SPAG16: variants seen among roughly 807,000 people sequenced by gnomAD.
The protein encoded by SPAG16 is sperm associated antigen 16.
A neutral mutation model predicts 80.4 loss-of-function variants in SPAG16; 86 were observed. That is an observed-to-expected ratio of 1.07 (90% CI 0.90 to 1.28). The LOEUF is 1.28. Among genes scored for constraint, SPAG16 ranks in the 50% most tolerant of loss-of-function variants. The pLI, the probability that SPAG16 is intolerant of heterozygous loss-of-function variation, is 0.00. For missense variants in SPAG16, 870 were observed against 765.3 expected (o/e 1.14, Z -1.61); for synonymous variants, 294 against 265.9 (o/e 1.11, Z -1.03).
chr2:214,323,327 TA>T (rs778478144), intron 15 of SPAG16, among the ~76,000 whole-genome samples: 3,746 of 149,868 alleles, frequency 0.025, 65 homozygotes, highest in Non-Finnish European at 0.034. Context: ...ATTAAATATA[TA>T]TATATATTTA....
chr2:213,645,621 A>T (rs2062792078), intron 10 of SPAG16, among the ~76,000 whole-genome samples: 1 of 152,074 alleles, frequency 6.6e-6, no homozygotes, highest in African/African-American at 2.4e-5. Context: ...CTGGTATCCA[A>T]GAGGCAAGGC....
chr2:213,851,337 C>T (rs1410336344), intron 10 of SPAG16, among the ~76,000 whole-genome samples: 2 of 151,918 alleles, frequency 1.3e-5, no homozygotes, highest in Admixed American at 1.3e-4. Context: ...TGATGAAACC[C>T]CATCTCTACT....
At chr2:213,972,870 G>C (rs921395423) in intron 12 of SPAG16, among the ~76,000 whole-genome samples, 1 of 151,916 alleles carries the variant, frequency 6.6e-6, no homozygotes, top group African/African-American at 2.4e-5. Context: ...CCACTCTGTG[G>C]GTTGTGTTTT....
At chr2:213,454,066 A>G (rs1313285450) in intron 9 of SPAG16, among the ~76,000 whole-genome samples, 2 of 152,190 alleles carry the variant, frequency 1.3e-5, no homozygotes, top group Non-Finnish European at 2.9e-5. Flanking sequence ...AAAGTAGTGT[A>G]CATGGACAGA....
At chr2:214,377,145 T>C (rs994053300) in intron 15 of SPAG16, among the ~76,000 whole-genome samples, 1 of 152,188 alleles carries the variant, frequency 6.6e-6, no homozygotes, top group Non-Finnish European at 1.5e-5. Context: ...TAAAACACCA[T>C]GTGACACTAA....
At chr2:214,021,730 A>C (rs531872627) in intron 13 of SPAG16, among the ~76,000 whole-genome samples, 1 of 152,304 alleles carries the variant, frequency 6.6e-6, no homozygotes, top group African/African-American at 2.4e-5. Context: ...TTGATTTTAT[A>C]TACTGTGTTA....
intron 10 of SPAG16, among the ~76,000 whole-genome samples, chr2:213,782,381 G>T (rs2070048746): frequency 6.6e-6 from 1 of 152,028 alleles, no homozygotes. Context: ...GTGAGGTATG[G>T]TACCTAATGG....
At chr2:213,461,428 T>C (rs1184305751) in intron 9 of SPAG16, among the ~76,000 whole-genome samples, 2 of 152,196 alleles carry the variant, frequency 1.3e-5, no homozygotes, top group African/African-American at 4.8e-5. Flanking sequence ...TCGATGGTAA[T>C]ACATAGATGA....
At chr2:213,542,045 T>A (rs116184870) in intron 10 of SPAG16, among the ~76,000 whole-genome samples, 3,241 of 152,306 alleles carry the variant, frequency 0.021, 59 homozygotes, top group Non-Finnish European at 0.034. Context: ...ATTCTCAATA[T>A]TAAACCTGAG....
chr2:214,208,247 C>T (rs1415543756), intron 15 of SPAG16, among the ~76,000 whole-genome samples: 1 of 152,048 alleles, frequency 6.6e-6, no homozygotes, highest in Non-Finnish European at 1.5e-5. Flanking sequence ...GAATTAAAAA[C>T]CTGTGTTGCT....
intron 13 of SPAG16, among the ~76,000 whole-genome samples, chr2:214,044,708 GA>G (rs957086127): frequency 5.3e-4 from 81 of 152,300 alleles, no homozygotes; most frequent in African/African-American, 1.9e-3. Flanking sequence ...GGGATGGAGA[GA>G]AAATTTTTGC....
chr2:213,937,250 G>A (rs555384479), intron 12 of SPAG16, among the ~76,000 whole-genome samples: 43 of 151,996 alleles, frequency 2.8e-4, no homozygotes, highest in African/African-American at 9.6e-4. Context: ...AATATTAATG[G>A]GTTTAAAACA....
intron 13 of SPAG16, among the ~76,000 whole-genome samples, chr2:214,023,786 C>T (rs1029923658): frequency 6.6e-6 from 1 of 151,586 alleles, no homozygotes. Context: ...CTTTTCCTTG[C>T]AGTTACTATA....
intron 11 of SPAG16, among the ~76,000 whole-genome samples, chr2:213,900,534 G>A (rs1028620207): frequency 1.3e-5 from 2 of 152,072 alleles, no homozygotes; most frequent in African/African-American, 2.4e-5. Flanking sequence ...ATTAATACAC[G>A]ATTATTTTTC....
chr2:213,691,193 A>T (rs186013262), intron 10 of SPAG16, among the ~76,000 whole-genome samples: 2 of 152,208 alleles, frequency 1.3e-5, no homozygotes, highest in Non-Finnish European at 2.9e-5. Flanking sequence ...CAGGATAGCC[A>T]GTCTCTAAAG....
At chr2:213,850,199 T>G (rs1393225761) in intron 10 of SPAG16, among the ~76,000 whole-genome samples, 1 of 152,202 alleles carries the variant, frequency 6.6e-6, no homozygotes, top group Non-Finnish European at 1.5e-5. Flanking sequence ...TTTCACGTAT[T>G]AGAAAGTTGA....
At chr2:213,305,567 G>T (rs2126099909) in intron 3 of SPAG16, among the ~76,000 whole-genome samples, 1 of 152,194 alleles carries the variant, frequency 6.6e-6, no homozygotes, top group Non-Finnish European at 1.5e-5. Context: ...CTATCATGAA[G>T]GGATGTTGAA....
chr2:214,192,688 ATGGTTT>A (rs1039230030), intron 15 of SPAG16, among the ~76,000 whole-genome samples: 3 of 151,584 alleles, frequency 2.0e-5, no homozygotes, highest in Admixed American at 1.3e-4. Context: ...GGCATTTGGG[ATGGTTT>A]TGTTTTTCTT....
At chr2:213,663,177 G>T (rs1010322069) in intron 10 of SPAG16, among the ~76,000 whole-genome samples, 3 of 152,040 alleles carry the variant, frequency 2.0e-5, no homozygotes, top group African/African-American at 4.8e-5. Flanking sequence ...TTCACAGAAG[G>T]TGTTTATTTT....
Sources: gnomAD v4.1 joint callset for allele counts (sites outside exome capture counted in the v4.1 genomes callset) on GRCh38, gnomAD v4.1.1 for gene constraint, MANE v1.5 for transcripts, NCBI Gene and HGNC (gene_info 2026-07-23, HGNC 2026-07-21) for gene names.